CPQ: variants seen among roughly 807,000 people sequenced by gnomAD.
The protein encoded by CPQ is carboxypeptidase Q.
Under a neutral mutation model 45.7 loss-of-function variants are expected in CPQ, and 37 were observed. The ratio of observed to expected loss-of-function variants is 0.81; its 90% CI spans 0.62 to 1.07. CPQ has a LOEUF of 1.07. Ranked by LOEUF, CPQ falls within the 50% of genes least tolerant of loss-of-function variation. The pLI is 0.00. For missense variants in CPQ, 537 were observed against 572.9 expected, an observed-to-expected ratio of 0.94 and a Z score of 0.64; for synonymous variants, 186 against 205.8, an observed-to-expected ratio of 0.90 and a Z score of 0.82.
rs1437302148 is a variant in CPQ, at chr8:97,065,997, T to G, written c.1054-12T>G. On this transcript the variant is annotated splice_polypyrimidine_tract_variant and intron_variant, in intron 6 of 7. Transcript: ENST00000220763. ...AACAGATAAGAACCAAACAATTTTC[T>G]CTTGTGTTTAGGTAAATATTTCCAA... 5.6e-6 allele frequency: 9 copies of G among 1,609,324 alleles called. No homozygotes were observed. Among genetic ancestry groups the G allele is most frequent in the Non-Finnish European group, 5.9e-6 (7 of 1,178,898 alleles).
rs1205084461 is a variant in CPQ, at chr8:96,645,323, G to C, written c.-114G>C. 6.6e-6 allele frequency: 1 copy of C among 152,370 alleles called. No individual in the cohort carries two copies. 9.4% of individuals were successfully genotyped at this position (152,370 alleles called of 1,614,324 possible). On this transcript the variant is annotated 5_prime_UTR_variant, in exon 1 of 8. Transcript: ENST00000220763. ...GGGCCCCAGCCCAGTCAGGGGTGTGGCCGCCGCCACCGTAAGGCTAGGCCG... is the reference window on the plus strand; with the variant it reads ...GGGCCCCAGCCCAGTCAGGGGTGTGCCCGCCGCCACCGTAAGGCTAGGCCG...
At chr8:96,724,994 A>G (rs558401933) in intron 1 of CPQ, among the ~76,000 whole-genome samples, 19 of 152,310 alleles carry the variant, frequency 1.2e-4, no homozygotes, top group Admixed American at 8.5e-4. Flanking sequence ...AGAACTTCCT[A>G]TTCGATAAGT....
chr8:96,850,141 C>T (rs1202718398), intron 3 of CPQ, among the ~76,000 whole-genome samples: 2 of 152,102 alleles, frequency 1.3e-5, no homozygotes, highest in Non-Finnish European at 2.9e-5. Flanking sequence ...CCAAATGCTA[C>T]GTAATAGTGG....
intron 1 of CPQ, among the ~76,000 whole-genome samples, chr8:96,761,957 A>G (rs1315980346): frequency 6.6e-6 from 1 of 152,184 alleles, no homozygotes; most frequent in Non-Finnish European, 1.5e-5. Flanking sequence ...AATAGAATTC[A>G]TCAGCCACAG....
intron 5 of CPQ, among the ~76,000 whole-genome samples, chr8:97,013,026 C>T (rs1004792689): frequency 2.6e-5 from 4 of 152,186 alleles, no homozygotes; most frequent in South Asian, 2.1e-4. Flanking sequence ...TTTGTAGAGT[C>T]GCCAATTATA....
At chr8:96,759,917 T>C (rs1403836586) in intron 1 of CPQ, among the ~76,000 whole-genome samples, 1 of 152,208 alleles carries the variant, frequency 6.6e-6, no homozygotes, top group Admixed American at 6.5e-5. Context: ...GAATTGTTAT[T>C]ATTCCCCCCG....
chr8:96,738,431 ATTTTTATTTTTTATT>A (rs976914597), intron 1 of CPQ, among the ~76,000 whole-genome samples: 37 of 151,004 alleles, frequency 2.5e-4, no homozygotes, highest in South Asian at 2.1e-3. Context: ...GTAGTTATTC[ATTTTTATTTTTTATT>A]TTTTTATTTT....
intron 5 of CPQ, among the ~76,000 whole-genome samples, chr8:97,019,328 C>A (rs937489594): frequency 1.3e-5 from 2 of 152,002 alleles, no homozygotes; most frequent in African/African-American, 4.8e-5. Flanking sequence ...AAGCAAAAAA[C>A]CAAAGTATAC....
At chr8:96,756,992 A>G (rs1409991440) in intron 1 of CPQ, among the ~76,000 whole-genome samples, 1 of 152,064 alleles carries the variant, frequency 6.6e-6, no homozygotes, top group Non-Finnish European at 1.5e-5. Context: ...TGTTTTTCTG[A>G]AAATGTATTT....
chr8:97,109,288 C>A (rs1425943089), intron 7 of CPQ, among the ~76,000 whole-genome samples: 1 of 152,198 alleles, frequency 6.6e-6, no homozygotes, highest in Non-Finnish European at 1.5e-5. Context: ...CTATGCCATA[C>A]AACTCAGAAT....
intron 4 of CPQ, among the ~76,000 whole-genome samples, chr8:96,922,153 G>GC (rs1179545612): frequency 5.9e-5 from 9 of 152,102 alleles, no homozygotes; most frequent in Admixed American, 5.9e-4. Context: ...CACAGAGTAT[G>GC]CAACTTTAAG....
chr8:96,916,495 AT>A (rs1370818604), intron 4 of CPQ, among the ~76,000 whole-genome samples: 2 of 152,150 alleles, frequency 1.3e-5, no homozygotes, highest in Non-Finnish European at 2.9e-5. Flanking sequence ...TTTTTTAAAA[AT>A]TTTAGAATAG....
intron 6 of CPQ, among the ~76,000 whole-genome samples, chr8:97,041,838 C>A (rs552747743): frequency 1.2e-4 from 19 of 152,304 alleles, no homozygotes; most frequent in African/African-American, 4.3e-4. Flanking sequence ...ATGAAGCCCA[C>A]TTGATCATGG....
intron 7 of CPQ, among the ~76,000 whole-genome samples, chr8:97,086,892 C>A (rs1388802746): frequency 6.6e-6 from 1 of 152,118 alleles, no homozygotes; most frequent in Non-Finnish European, 1.5e-5. Context: ...TCTATCTCTG[C>A]CATGGGAAGA....
At chr8:96,742,560 C>T (rs1219963826) in intron 1 of CPQ, among the ~76,000 whole-genome samples, 1 of 151,940 alleles carries the variant, frequency 6.6e-6, no homozygotes, top group Non-Finnish European at 1.5e-5. Flanking sequence ...GATGCAGTTT[C>T]TTCCTAGTCT....
chr8:97,138,083 G>T (rs143046151), intron 7 of CPQ, among the ~76,000 whole-genome samples: 8 of 152,212 alleles, frequency 5.3e-5, no homozygotes, highest in Non-Finnish European at 8.8e-5. Flanking sequence ...TCCCTAAGGT[G>T]CATCTCTAGT....
intron 1 of CPQ, among the ~76,000 whole-genome samples, chr8:96,713,765 A>G (rs1809643163): frequency 6.6e-6 from 1 of 152,202 alleles, no homozygotes. Context: ...CAAGAGGTCT[A>G]TTATGGAGCA....
intron 1 of CPQ, among the ~76,000 whole-genome samples, chr8:96,740,220 A>C (rs1810065096): frequency 1.3e-5 from 2 of 152,106 alleles, no homozygotes; most frequent in South Asian, 2.1e-4. Flanking sequence ...TTCTTTTTAA[A>C]GCAATTGTGA....
intron 7 of CPQ, among the ~76,000 whole-genome samples, chr8:97,142,351 T>G (rs1812182159): frequency 6.6e-6 from 1 of 152,136 alleles, no homozygotes; most frequent in Non-Finnish European, 1.5e-5. Context: ...AGCAAAAAGC[T>G]TCACACTTGA....
Sources: allele counts gnomAD v4.1 joint callset (sites outside exome capture counted in the v4.1 genomes callset), GRCh38; gene constraint gnomAD v4.1.1; transcripts MANE v1.5; gene names NCBI Gene and HGNC (gene_info 2026-07-23, HGNC 2026-07-21).